Variants in PDE4D observed in about 807,000 individuals in gnomAD.
PDE4D encodes the protein 3',5'-cyclic-AMP phosphodiesterase 4D.
Under a neutral mutation model 87.4 loss-of-function variants are expected in PDE4D, and 24 were observed. That is an observed-to-expected ratio of 0.27 (90% CI 0.20 to 0.39). PDE4D has a LOEUF of 0.39. PDE4D is among the 10% of genes least tolerant of loss of function. The pLI, the probability that PDE4D is intolerant of heterozygous loss-of-function variation, is 1.00. For synonymous variants in PDE4D, 384 were observed against 383.2 expected (o/e 1.00, Z -0.02); for missense variants, 714 against 1,041.0 (o/e 0.69, Z 4.32).
chr5:59,818,078 A>T (rs557629185), intron 1 of PDE4D, among the ~76,000 whole-genome samples: 412 of 152,340 alleles, frequency 2.7e-3, no homozygotes, highest in Non-Finnish European at 4.5e-3. Context: ...GCTCACATGT[A>T]TCCAAAGGCA....
chr5:60,290,273 ATC>A (rs1752776176), intron 1 of PDE4D, among the ~76,000 whole-genome samples: 1 of 152,214 alleles, frequency 6.6e-6, no homozygotes, highest in African/African-American at 2.4e-5. Context: ...AGGAGGAATC[ATC>A]TGAGAAGTAA....
At chr5:59,978,079 A>C (rs947123771) in intron 3 of PDE4D, among the ~76,000 whole-genome samples, 6 of 152,206 alleles carry the variant, frequency 3.9e-5, no homozygotes, top group African/African-American at 1.2e-4. Context: ...GCTTTGCTGG[A>C]GATGCACAAG....
At chr5:59,163,779 G>T (rs1781506546) in intron 5 of PDE4D, among the ~76,000 whole-genome samples, 2 of 152,136 alleles carry the variant, frequency 1.3e-5, no homozygotes, top group Admixed American at 1.3e-4. Flanking sequence ...TGCTGTAAAG[G>T]AAATAGTTGT....
intron 5 of PDE4D, among the ~76,000 whole-genome samples, chr5:59,084,826 A>G (rs1561456233): frequency 6.6e-6 from 1 of 152,184 alleles, no homozygotes; most frequent in Non-Finnish European, 1.5e-5. Context: ...TTAGACACAC[A>G]AAACAGATTT....
At chr5:59,407,014 G>A (rs977587756) in intron 1 of PDE4D, among the ~76,000 whole-genome samples, 6 of 152,140 alleles carry the variant, frequency 3.9e-5, no homozygotes, top group African/African-American at 1.2e-4. Context: ...CTGACTGGGA[G>A]CCTTGAATGA....
At chr5:59,784,691 G>T (rs747151257) in intron 1 of PDE4D, among the ~76,000 whole-genome samples, 2 of 152,144 alleles carry the variant, frequency 1.3e-5, no homozygotes, top group African/African-American at 4.8e-5. Flanking sequence ...GCAATAAATT[G>T]ATATCAAGCC....
chr5:59,105,977 G>T (rs1288619408), intron 5 of PDE4D, among the ~76,000 whole-genome samples: 1 of 152,168 alleles, frequency 6.6e-6, no homozygotes, highest in African/African-American at 2.4e-5. Context: ...GTGTCCAGTT[G>T]CTCCAGAAGA....
At chr5:59,616,761 C>T (rs1203606928) in intron 1 of PDE4D, among the ~76,000 whole-genome samples, 2 of 151,302 alleles carry the variant, frequency 1.3e-5, no homozygotes, top group African/African-American at 2.4e-5. Flanking sequence ...AAGTTGCTCC[C>T]ATGGAGATTA....
chr5:59,388,314 C>A (rs986536657), intron 1 of PDE4D, among the ~76,000 whole-genome samples: 1 of 151,980 alleles, frequency 6.6e-6, no homozygotes, highest in Admixed American at 6.6e-5. Flanking sequence ...GAGATATCAA[C>A]TCATACCTGT....
chr5:60,488,434 T>A (rs1334849624), upstream of PDE4D: 1 of 151,802 alleles, frequency 6.6e-6, no homozygotes, highest in Non-Finnish European at 1.5e-5. Flanking sequence ...GTAATTTTCA[T>A]CTTTCTTTTT....
chr5:59,540,994 A>G (rs1011188158), intron 1 of PDE4D, among the ~76,000 whole-genome samples: 6 of 152,162 alleles, frequency 3.9e-5, no homozygotes, highest in South Asian at 4.1e-4. Flanking sequence ...AGGAAGGTCT[A>G]ATTCTCATCA....
intron 1 of PDE4D, among the ~76,000 whole-genome samples, chr5:59,787,954 A>G (rs1765352019): frequency 6.6e-6 from 1 of 152,224 alleles, no homozygotes; most frequent in African/African-American, 2.4e-5. Context: ...TAATATATTG[A>G]GTGACATATA....
chr5:59,099,992 ACTTT>A (rs372048862), intron 5 of PDE4D, among the ~76,000 whole-genome samples: 126 of 152,296 alleles, frequency 8.3e-4, no homozygotes, highest in African/African-American at 2.9e-3. Context: ...CAGGGCCAAT[ACTTT>A]CTTTATTTTC....
chr5:59,797,837 C>A (rs1053393942), intron 1 of PDE4D, among the ~76,000 whole-genome samples: 7 of 152,034 alleles, frequency 4.6e-5, no homozygotes, highest in African/African-American at 7.3e-5. Flanking sequence ...TAGATTATCA[C>A]CCCAACAGAA....
chr5:59,292,143 C>G (rs1768165244), intron 1 of PDE4D, among the ~76,000 whole-genome samples: 1 of 152,138 alleles, frequency 6.6e-6, no homozygotes, highest in South Asian at 2.1e-4. Context: ...CACCCAAGAC[C>G]ATGAAATTTA....
intron 2 of PDE4D, chr5:59,988,864 A>T (rs1419849927): frequency 1.1e-5 from 5 of 459,180 alleles, no homozygotes; most frequent in African/African-American, 2.0e-5. Context: ...CATTAACTGA[A>T]CAATATTTGA....
At chr5:59,811,188 G>A (rs1358400220) in intron 1 of PDE4D, among the ~76,000 whole-genome samples, 2 of 152,162 alleles carry the variant, frequency 1.3e-5, no homozygotes, top group South Asian at 2.1e-4. Context: ...ACTTTGTGCC[G>A]TGGGACAGAC....
chr5:60,444,328 T>C (rs1307807609), intron 1 of PDE4D, among the ~76,000 whole-genome samples: 1 of 152,130 alleles, frequency 6.6e-6, no homozygotes, highest in East Asian at 1.9e-4. Flanking sequence ...TGTCCTGCCA[T>C]ACATTCATTG....
Position 59,423,330 on chromosome 5 carries a change from T to G in PDE4D, c.456-207362A>C, listed in dbSNP as rs544085124. Among the ~76,000 whole-genome samples the G allele has an allele frequency of 1.1e-4, 17 of 152,352 alleles. No individual in the cohort carries two copies. The South Asian group carries it at 2.3e-3, about 20-fold the overall frequency. On this transcript the variant is annotated intron_variant, in intron 1 of 14. Coordinates refer to ENST00000340635, the MANE Select transcript of PDE4D (RefSeq NM_001104631.2). Reference sequence around the variant, plus strand: ...TTTCCTTTTGAGCAGTTCTCACAATTGTAATCACATATTTATGTATTTTGT... The same window carrying G: ...TTTCCTTTTGAGCAGTTCTCACAATGGTAATCACATATTTATGTATTTTGT...
Sources: gnomAD v4.1 joint callset for allele counts (sites outside exome capture counted in the v4.1 genomes callset) on GRCh38, gnomAD v4.1.1 for gene constraint, MANE v1.5 for transcripts, NCBI Gene and HGNC (gene_info 2026-07-23, HGNC 2026-07-21) for gene names.